SLC24A2: variants seen among roughly 807,000 people sequenced by gnomAD.
The protein encoded by SLC24A2 is sodium/potassium/calcium exchanger 2.
SLC24A2 carries 36 observed loss-of-function variants against 62.0 expected under a neutral mutation model. The ratio of observed to expected loss-of-function variants is 0.58; its 90% CI spans 0.44 to 0.77. The LOEUF (loss-of-function observed/expected upper bound fraction) is 0.77, where lower values mean the gene tolerates loss of function less well. Ranked by LOEUF, SLC24A2 falls within the 30% of genes least tolerant of loss-of-function variation. The pLI is 0.00. For missense variants in SLC24A2, 846 were observed against 817.9 expected (o/e 1.03, Z -0.42); for synonymous variants, 358 against 294.0 (o/e 1.22, Z -2.23).
the SLC24A2 span, among the ~76,000 whole-genome samples, chr9:19,916,392 T>C: frequency 1.3e-5 from 2 of 152,040 alleles, no homozygotes. Flanking sequence ...CATGTGTACA[T>C]CTTCTTCTAA....
At chr9:20,294,948 C>T in the SLC24A2 span, among the ~76,000 whole-genome samples, 1 of 151,934 alleles carries the variant, frequency 6.6e-6, no homozygotes, top group African/African-American at 2.4e-5. Flanking sequence ...TTACTAAGCA[C>T]ACCCATTTTA....
At chr9:20,048,885 CT>C in the SLC24A2 span, among the ~76,000 whole-genome samples, 1 of 150,092 alleles carries the variant, frequency 6.7e-6, no homozygotes, top group Non-Finnish European at 1.5e-5. Context: ...TATTTTTTTT[CT>C]TCTTTCCGCT....
chr9:19,694,324 T>G (rs570492544), intron 2 of SLC24A2, among the ~76,000 whole-genome samples: 1 of 152,302 alleles, frequency 6.6e-6, no homozygotes, highest in South Asian at 2.1e-4. Context: ...ATCAAGGTTA[T>G]TACAGATTAC....
chr9:20,152,131 G>T, the SLC24A2 span, among the ~76,000 whole-genome samples: 1 of 151,774 alleles, frequency 6.6e-6, no homozygotes, highest in African/African-American at 2.4e-5. Context: ...AAAGCTAACA[G>T]AACAAAAATA....
intron 2 of SLC24A2, among the ~76,000 whole-genome samples, chr9:19,708,846 G>C (rs1005859352): frequency 1.3e-5 from 2 of 152,110 alleles, no homozygotes; most frequent in Admixed American, 6.5e-5. Context: ...ATAGGCATGG[G>C]CAAGGACTGC....
the SLC24A2 span, among the ~76,000 whole-genome samples, chr9:19,953,184 G>C: frequency 1.3e-5 from 2 of 151,860 alleles, no homozygotes; most frequent in Non-Finnish European, 2.9e-5. Flanking sequence ...GACTATAAGC[G>C]TAACGATTTC....
At chr9:19,890,401 A>C in the SLC24A2 span, among the ~76,000 whole-genome samples, 1 of 152,228 alleles carries the variant, frequency 6.6e-6, no homozygotes, top group African/African-American at 2.4e-5. Flanking sequence ...CCAAGTTGCC[A>C]GTGATCCAAA....
the SLC24A2 span, among the ~76,000 whole-genome samples, chr9:20,279,440 A>C: frequency 6.6e-6 from 1 of 152,240 alleles, no homozygotes; most frequent in South Asian, 2.1e-4. Context: ...CTGAGGCAGG[A>C]GAATCACTTC....
At chr9:20,174,126 C>G in the SLC24A2 span, among the ~76,000 whole-genome samples, 1 of 151,980 alleles carries the variant, frequency 6.6e-6, no homozygotes, top group African/African-American at 2.4e-5. Flanking sequence ...ACAAATGATG[C>G]TGGATAATTG....
At position 19,752,376 on chromosome 9, in the gene SLC24A2, GGTTATGGCA is replaced by G. The variant is rs574281318; in HGVS notation, c.930+33552_930+33560del. Among the ~76,000 whole-genome samples, 236 of 152,196 alleles carry G rather than the reference GGTTATGGCA, an allele frequency of 1.6e-3. 5 individuals carry two copies. The highest frequency in any genetic ancestry group is 0.013 in the Admixed American group (205 of 15,288). On this transcript the variant is annotated intron_variant, in intron 2 of 10. Transcript: ENST00000341998. ...ATCAATTCCGACTCGAACACCAAGG[GGTTATGGCA>G]GAATCTGAATGAGAAAAAATGAAGA...
chr9:20,295,838 T>G, the SLC24A2 span, among the ~76,000 whole-genome samples: 1 of 152,164 alleles, frequency 6.6e-6, no homozygotes, highest in African/African-American at 2.4e-5. Flanking sequence ...GCTTACAGGT[T>G]GCCTATCATG....
At chr9:19,878,188 G>A in the SLC24A2 span, among the ~76,000 whole-genome samples, 1 of 152,046 alleles carries the variant, frequency 6.6e-6, no homozygotes, top group Non-Finnish European at 1.5e-5. Context: ...TTATTGCCAA[G>A]CTGCCAGAAT....
the SLC24A2 span, among the ~76,000 whole-genome samples, chr9:20,093,636 A>T: frequency 6.6e-6 from 1 of 152,194 alleles, no homozygotes; most frequent in Non-Finnish European, 1.5e-5. Context: ...TCCTTTGTAG[A>T]AAACTGTTGT....
At chr9:19,583,284 C>T (rs1707103257) in intron 5 of SLC24A2, among the ~76,000 whole-genome samples, 1 of 152,182 alleles carries the variant, frequency 6.6e-6, no homozygotes, top group South Asian at 2.1e-4. Context: ...TATTCTTCCC[C>T]CAGAGGTCCA....
the SLC24A2 span, among the ~76,000 whole-genome samples, chr9:19,866,233 C>G: frequency 2.0e-5 from 3 of 152,102 alleles, no homozygotes; most frequent in Non-Finnish European, 2.9e-5. Flanking sequence ...AAAAGGGAAC[C>G]CTCATACACT....
intron 8 of SLC24A2, among the ~76,000 whole-genome samples, chr9:19,529,153 G>A (rs1027654457): frequency 3.9e-5 from 6 of 152,074 alleles, no homozygotes; most frequent in Admixed American, 6.5e-5. Context: ...AGCTTTCCAC[G>A]TTGAGAAACA....
the SLC24A2 span, among the ~76,000 whole-genome samples, chr9:20,240,205 C>T: frequency 2.0e-5 from 3 of 152,226 alleles, no homozygotes; most frequent in South Asian, 4.2e-4. Flanking sequence ...AGCCACCCTA[C>T]CTGGGCAGAA....
chr9:20,018,349 T>C, the SLC24A2 span, among the ~76,000 whole-genome samples: 1 of 152,184 alleles, frequency 6.6e-6, no homozygotes, highest in Non-Finnish European at 1.5e-5. Context: ...TTTCTTCCTC[T>C]ATCTGTCTAT....
chr9:19,744,483 G>A (rs190627306), intron 2 of SLC24A2, among the ~76,000 whole-genome samples: 36 of 152,162 alleles, frequency 2.4e-4, no homozygotes, highest in African/African-American at 8.7e-4. Flanking sequence ...GTAGAGGACT[G>A]GTGAGTCATC....
Sources: gnomAD v4.1 joint callset for allele counts (sites outside exome capture counted in the v4.1 genomes callset) on GRCh38, gnomAD v4.1.1 for gene constraint, MANE v1.5 for transcripts, NCBI Gene and HGNC (gene_info 2026-07-23, HGNC 2026-07-21) for gene names.